The following PCDH15 variants were observed in gnomAD, a reference collection of about 807,000 sequenced individuals.
PCDH15 encodes protocadherin related 15.
In PCDH15, 129 loss-of-function variants were observed where a neutral mutation model predicts 178.5. The observed-to-expected ratio is 0.72, with a 90% CI of 0.63 to 0.84. PCDH15 has a LOEUF of 0.84. Ranked by LOEUF, PCDH15 falls within the 40% of genes least tolerant of loss-of-function variation. The pLI is 0.00. For missense variants in PCDH15, 2,230 were observed against 2,099.9 expected (o/e 1.06, Z -1.21); for synonymous variants, 800 against 732.0 (o/e 1.09, Z -1.50).
chr10:54,600,928 C>A (rs778159651), intron 2 of PCDH15, among the ~76,000 whole-genome samples: 1 of 151,868 alleles, frequency 6.6e-6, no homozygotes, highest in Non-Finnish European at 1.5e-5. Context: ...GGGGGTCACT[C>A]AGAAGGGGAG....
At chr10:55,424,064 T>A (rs942460560) in intron 2 of PCDH15, among the ~76,000 whole-genome samples, 3 of 152,082 alleles carry the variant, frequency 2.0e-5, no homozygotes, top group African/African-American at 7.2e-5. Flanking sequence ...TATTTTTGCA[T>A]GAGGCTAAGT....
chr10:54,636,341 CCT>C (rs889374839), intron 2 of PCDH15, among the ~76,000 whole-genome samples: 40 of 151,994 alleles, frequency 2.6e-4, no homozygotes, highest in African/African-American at 7.0e-4. Flanking sequence ...CTCCCATTCC[CCT>C]GTCTCTTTAC....
intron 28 of PCDH15, among the ~76,000 whole-genome samples, chr10:53,848,808 A>C (rs752289206): frequency 6.6e-6 from 1 of 152,020 alleles, no homozygotes; most frequent in Non-Finnish European, 1.5e-5. Flanking sequence ...TATTTCTTTA[A>C]TGTATCTTTC....
At chr10:54,782,316 T>C (rs1950442506) in intron 1 of PCDH15, among the ~76,000 whole-genome samples, 1 of 152,152 alleles carries the variant, frequency 6.6e-6, no homozygotes, top group South Asian at 2.1e-4. Flanking sequence ...TGTGGTTCAC[T>C]TAAAACTCTG....
At chr10:55,209,304 C>G (rs891532566) in intron 1 of PCDH15, among the ~76,000 whole-genome samples, 7 of 151,998 alleles carry the variant, frequency 4.6e-5, no homozygotes, top group African/African-American at 1.7e-4. Context: ...GTCTTTTATT[C>G]TAAGAGCAAT....
intron 13 of PCDH15, among the ~76,000 whole-genome samples, chr10:54,180,368 T>A (rs2047872953): frequency 6.6e-6 from 1 of 152,122 alleles, no homozygotes; most frequent in African/African-American, 2.4e-5. Flanking sequence ...ATAAGAAAAA[T>A]ATACTGTACT....
At chr10:55,368,746 C>T (rs1258983654) in intron 2 of PCDH15, among the ~76,000 whole-genome samples, 12 of 151,956 alleles carry the variant, frequency 7.9e-5, no homozygotes, top group Admixed American at 3.3e-4. Context: ...TCCATTGCTA[C>T]GAATAACTCC....
intron 1 of PCDH15, among the ~76,000 whole-genome samples, chr10:54,799,952 T>C (rs551854947): frequency 1.3e-5 from 2 of 152,318 alleles, no homozygotes; most frequent in Non-Finnish European, 2.9e-5. Flanking sequence ...TATGCCTCTT[T>C]TACAGATTAT....
At chr10:54,368,450 T>C (rs1243706189) in intron 5 of PCDH15, among the ~76,000 whole-genome samples, 1 of 152,002 alleles carries the variant, frequency 6.6e-6, no homozygotes, top group Non-Finnish European at 1.5e-5. Context: ...AAATATTTTG[T>C]AGCTTAATTA....
At chr10:54,210,484 T>C (rs1470575031) in intron 10 of PCDH15, among the ~76,000 whole-genome samples, 2 of 152,008 alleles carry the variant, frequency 1.3e-5, no homozygotes, top group South Asian at 4.1e-4. Flanking sequence ...GTACATTCAA[T>C]AGAGTAATTG....
intron 2 of PCDH15, among the ~76,000 whole-genome samples, chr10:55,414,601 T>C (rs1838428754): frequency 6.6e-6 from 1 of 151,682 alleles, no homozygotes; most frequent in Non-Finnish European, 1.5e-5. Context: ...TTCATTCCCT[T>C]TGTTAAATGT....
intron 1 of PCDH15, among the ~76,000 whole-genome samples, chr10:55,185,757 C>T (rs715286): frequency 0.37 from 56,198 of 151,340 alleles, 10,873 homozygotes; most frequent in South Asian, 0.48. Flanking sequence ...GTTGACAAAA[C>T]ATTCAAAACA....
intron 17 of PCDH15, among the ~76,000 whole-genome samples, chr10:54,076,601 T>C (rs2094346320): frequency 6.6e-6 from 1 of 152,012 alleles, no homozygotes; most frequent in Admixed American, 6.6e-5. Flanking sequence ...AAAAGTATAG[T>C]TTTATCTGTA....
At chr10:54,305,363 A>G (rs1442665701) in intron 8 of PCDH15, among the ~76,000 whole-genome samples, 2 of 152,082 alleles carry the variant, frequency 1.3e-5, no homozygotes, top group Non-Finnish European at 2.9e-5. Context: ...TTTTTAAAAA[A>G]GTAATACTGT....
intron 6 of PCDH15, among the ~76,000 whole-genome samples, chr10:54,341,131 C>T (rs1407620975): frequency 6.6e-6 from 1 of 152,154 alleles, no homozygotes; most frequent in Non-Finnish European, 1.5e-5. Flanking sequence ...GATCAGCTGA[C>T]ATTCCTGGGG....
At chr10:54,794,914 A>T (rs1220774866) in intron 1 of PCDH15, among the ~76,000 whole-genome samples, 1 of 151,960 alleles carries the variant, frequency 6.6e-6, no homozygotes, top group South Asian at 2.1e-4. Context: ...TAAAATTCAA[A>T]AATTGTTTAA....
intron 8 of PCDH15, among the ~76,000 whole-genome samples, chr10:54,263,850 G>T (rs2132339972): frequency 6.6e-6 from 1 of 152,224 alleles, no homozygotes; most frequent in South Asian, 2.1e-4. Flanking sequence ...ATTTGAGTCT[G>T]GACTAGGAGA....
intron 2 of PCDH15, among the ~76,000 whole-genome samples, chr10:55,387,595 T>C (rs560957318): frequency 6.6e-6 from 1 of 152,262 alleles, no homozygotes; most frequent in South Asian, 2.1e-4. Context: ...TATGTATAAG[T>C]AAAGTCTCAC....
At chr10:53,931,139 G>A (rs891405882) in intron 25 of PCDH15, among the ~76,000 whole-genome samples, 1 of 152,150 alleles carries the variant, frequency 6.6e-6, no homozygotes, top group Admixed American at 6.5e-5. Context: ...AAACTCCAAA[G>A]CTTTTCAGAT....
Sources: gnomAD v4.1 joint callset for allele counts (sites outside exome capture counted in the v4.1 genomes callset) on GRCh38, gnomAD v4.1.1 for gene constraint, MANE v1.5 for transcripts, NCBI Gene and HGNC (gene_info 2026-07-23, HGNC 2026-07-21) for gene names.